SFT2D2: variants seen among roughly 807,000 people sequenced by gnomAD.
SFT2D2 encodes the protein SFT2 domain containing 2, also known as vesicle transport protein SFT2B.
Under a neutral mutation model 27.4 loss-of-function variants are expected in SFT2D2, and 21 were observed. The ratio of observed to expected loss-of-function variants is 0.77; its 90% confidence interval spans 0.54 to 1.10. The LOEUF is 1.10. Among genes scored for constraint, SFT2D2 ranks in the 50% least tolerant of loss-of-function variants. The probability of loss-of-function intolerance (pLI) is 0.00; values close to 1 mark genes in which losing one functional copy is unlikely to be tolerated. For missense variants in SFT2D2, 187 were observed against 194.2 expected (o/e 0.96, Z 0.22); for synonymous variants, 72 against 71.7 (o/e 1.00, Z -0.02).
Position 168,237,261 on chromosome 1 carries a change from C to T in SFT2D2, c.413+491C>T, listed in dbSNP as rs896928184. ...GCAGGAGATGAGGAACAGTCACTGA[C>T]GAAATGGAAAAACGTGTGTCTGTGG... On this transcript the variant is annotated intron_variant, in intron 6 of 7. Coordinates refer to ENST00000271375, the MANE Select transcript of SFT2D2 (RefSeq NM_199344.3). Among the ~76,000 whole-genome samples, 15 of 152,226 alleles carry T rather than the reference C, an allele frequency of 9.9e-5. No homozygotes were observed. The East Asian group carries it at 2.1e-3, about 22-fold the overall frequency.
At position 168,245,426 on chromosome 1, in the gene SFT2D2, C is replaced by G. The variant is rs934430547; in HGVS notation, c.*2886C>G. The G allele has an allele frequency of 6.6e-6, 1 of 152,102 alleles. No individual in the cohort carries two copies. Among genetic ancestry groups the G allele is most frequent in the African/African-American group, 2.4e-5 (1 of 41,422 alleles). The allele number at this position is 152,102 out of a possible 1,614,324, so 9.4% of individuals were successfully genotyped here. A position where few individuals can be genotyped will look rare whatever the true frequency, so the allele number is the denominator to read the frequency against. ...ATGTGGATTATCTGTACACTGATAACTAAAAAGCATTGCTAAGAAAAATTA... is the reference window on the plus strand; with the variant it reads ...ATGTGGATTATCTGTACACTGATAAGTAAAAAGCATTGCTAAGAAAAATTA... On this transcript the variant is annotated 3_prime_UTR_variant, in exon 8 of 8. Coordinates refer to ENST00000271375, the MANE Select transcript of SFT2D2 (RefSeq NM_199344.3).
intron 3 of SFT2D2, among the ~76,000 whole-genome samples, chr1:168,232,760 G>A (rs1186331365): frequency 2.0e-5 from 3 of 152,192 alleles, no homozygotes; most frequent in Non-Finnish European, 4.4e-5. Flanking sequence ...GACAAGTCCA[G>A]TTTGGTCCCT....
chr1:168,226,183 C>G, intron 1 of SFT2D2, 41 bp downstream of exon 1: 5 of 1,512,374 alleles, frequency 3.3e-6, no homozygotes, highest in South Asian at 1.3e-5. Context: ...TCGCCGCGCT[C>G]CCGCCCTGCG....
rs1380737378 is a variant in SFT2D2 at position 168,243,070 on chromosome 1, G to A, written c.*530G>A. On this transcript the variant is annotated 3_prime_UTR_variant, in exon 8 of 8. Transcript: ENST00000271375. Reference sequence around the variant, plus strand: ...CTGGAGAGCCTGGCCATGGAGTGAGGTAGAAAAGAAGCACTTTTTGGTGGT... The same window carrying A: ...CTGGAGAGCCTGGCCATGGAGTGAGATAGAAAAGAAGCACTTTTTGGTGGT... The A allele has an allele frequency of 6.4e-6, 1 of 156,068 alleles. No homozygotes were observed. The highest frequency in any genetic ancestry group is 1.9e-4 in the East Asian group (1 of 5,370). The allele number at this position is 156,068 out of a possible 1,614,324, so 9.7% of individuals were successfully genotyped here.
chr1:168,239,096 T>A (rs1474781010), intron 6 of SFT2D2, 35 bp from the exon 7 acceptor site: 2 of 1,558,486 alleles, frequency 1.3e-6, no homozygotes, highest in Admixed American at 1.7e-5. Flanking sequence ...ACTCCCTTCA[T>A]CTCATTTGAC....
intron 7 of SFT2D2, among the ~76,000 whole-genome samples, chr1:168,242,277 G>A (rs1008112971): frequency 1.3e-5 from 2 of 152,152 alleles, no homozygotes; most frequent in Admixed American, 6.5e-5. Context: ...CGGGTAAGTG[G>A]GGACATCCCC....
At chr1:168,238,512 C>A (rs1191138450) in intron 6 of SFT2D2, among the ~76,000 whole-genome samples, 3 of 149,766 alleles carry the variant, frequency 2.0e-5, no homozygotes, top group Middle Eastern at 3.4e-3. Flanking sequence ...AACAAACAAA[C>A]AAAAAAAAAC....
chr1:168,240,503 A>G (rs1647617521), intron 7 of SFT2D2, among the ~76,000 whole-genome samples: 1 of 152,162 alleles, frequency 6.6e-6, no homozygotes, highest in South Asian at 2.1e-4. Flanking sequence ...GGAGTTCATC[A>G]TTACTGAGGA....
intron 1 of SFT2D2, among the ~76,000 whole-genome samples, chr1:168,226,951 C>G (rs923465664): frequency 6.6e-6 from 1 of 152,090 alleles, no homozygotes; most frequent in African/African-American, 2.4e-5. Context: ...TCCCAAGTAG[C>G]TGGGATTACA....
At chr1:168,233,357 T>G (rs1176366463) in intron 3 of SFT2D2, among the ~76,000 whole-genome samples, 1 of 152,240 alleles carries the variant, frequency 6.6e-6, no homozygotes, top group Non-Finnish European at 1.5e-5. Context: ...CTTTGGACTC[T>G]CAGTATCACA....
In SFT2D2 at chr1:168,252,009, C is replaced by T. The variant is rs1469751233; in HGVS notation, c.*9469C>T. ...CTCAAGAATAGGGGATTTAGTTCCA[C>T]TTTGGTTATTTTCACTTCTACCCTA... On this transcript the variant is annotated 3_prime_UTR_variant, in exon 8 of 8. Transcript: ENST00000271375. The T allele has an allele frequency of 1.3e-5, 2 of 152,142 alleles. No homozygotes were observed. The highest frequency in any genetic ancestry group is 4.8e-5 in the African/African-American group (2 of 41,432). The allele number at this position is 152,142 out of a possible 1,614,324, so 9.4% of individuals were successfully genotyped here.
In SFT2D2 at chr1:168,247,240, T is replaced by A. The variant is rs79502044; in HGVS notation, c.*4700T>A. Reference sequence around the variant, plus strand: ...GAGATTCTGGAAATACTTCTTTTTTTAAATTATACTTTAAGTTCTGGGGTA... The same window carrying A: ...GAGATTCTGGAAATACTTCTTTTTTAAAATTATACTTTAAGTTCTGGGGTA... On this transcript the variant is annotated 3_prime_UTR_variant, in exon 8 of 8. Transcript: ENST00000271375. The A allele has an allele frequency of 5.9e-3, 1,571 of 267,976 alleles. 30 individuals carry two copies. The highest frequency in any genetic ancestry group is 0.033 in the African/African-American group (1,428 of 42,762). 16.6% of individuals were successfully genotyped at this position (267,976 alleles called of 1,614,324 possible). A position where few individuals can be genotyped will look rare whatever the true frequency, so the allele number is the denominator to read the frequency against.
rs138543793 is a variant in SFT2D2, at chr1:168,248,780, T to C, written c.*6240T>C. ...TCAATTTCAGAACTTGTTATTGGTC[T>C]ATTCAGGAACTCGACTTCTTCCTGG... On this transcript the variant is annotated 3_prime_UTR_variant, in exon 8 of 8. Transcript: ENST00000271375. 3.3e-4 allele frequency: 51 copies of C among 152,358 alleles called. No individual in the cohort carries two copies. Among genetic ancestry groups the C allele is most frequent in the African/African-American group, 1.0e-3 (43 of 41,588 alleles). The allele number at this position is 152,358 out of a possible 1,614,324, so 9.4% of individuals were successfully genotyped here. A position where few individuals can be genotyped will look rare whatever the true frequency, so the allele number is the denominator to read the frequency against.
intron 1 of SFT2D2, among the ~76,000 whole-genome samples, chr1:168,228,802 G>A (rs962162141): frequency 6.6e-6 from 1 of 152,138 alleles, no homozygotes; most frequent in African/African-American, 2.4e-5. Context: ...GCCTGTGAGC[G>A]CATTGCCTAC....
At position 168,226,159 on chromosome 1, in the gene SFT2D2, C is replaced by T; in HGVS notation, c.63+17C>T. 6.6e-7 allele frequency: 1 copy of T among 1,526,250 alleles called. No homozygotes were observed. Among genetic ancestry groups the T allele is most frequent in the Non-Finnish European group, 8.8e-7 (1 of 1,135,842 alleles). The allele number at this position is 1,526,250 out of a possible 1,614,324, so 94.5% of individuals were successfully genotyped here. A position where few individuals can be genotyped will look rare whatever the true frequency, so the allele number is the denominator to read the frequency against. On this transcript the variant is annotated intron_variant, in intron 1 of 7. Coordinates refer to ENST00000271375, the MANE Select transcript of SFT2D2 (RefSeq NM_199344.3). ...CTGTCCGAGGTGAGTGAGCCCGGGG[C>T]CGTCGGCCCCCTCTCGCCGCGCTCC...
intron 1 of SFT2D2, among the ~76,000 whole-genome samples, chr1:168,229,361 G>A (rs1354892830): frequency 6.6e-6 from 1 of 152,192 alleles, no homozygotes; most frequent in African/African-American, 2.4e-5. Context: ...AGGTTATTTA[G>A]CAATCTAGAT....
intron 1 of SFT2D2, among the ~76,000 whole-genome samples, chr1:168,230,407 C>T (rs1242479317): frequency 6.6e-6 from 1 of 152,178 alleles, no homozygotes; most frequent in Non-Finnish European, 1.5e-5. Context: ...TGTCTTTGTC[C>T]AGCTTGGAAC....
intron 7 of SFT2D2, among the ~76,000 whole-genome samples, chr1:168,240,074 C>G (rs1443921136): frequency 6.6e-6 from 1 of 150,468 alleles, no homozygotes; most frequent in African/African-American, 2.4e-5. Context: ...ACTTGGGAGG[C>G]TGAGGCAGGA....
Position 168,236,785 on chromosome 1 carries a change from A to C in SFT2D2, c.413+15A>C. 1.2e-6 allele frequency: 2 copies of C among 1,613,386 alleles called. No individual in the cohort carries two copies. The highest frequency in any genetic ancestry group is 2.2e-5 in the South Asian group (2 of 91,076). On this transcript the variant is annotated intron_variant, in intron 6 of 7. Coordinates refer to ENST00000271375, the MANE Select transcript of SFT2D2 (RefSeq NM_199344.3). ...GCATTGACGTGGTAAGTAACCTTTT[A>C]AACAATCCCCTCCCACATAGCCCAC... is the stretch of plus-strand genomic sequence containing the variant.
Sources: gnomAD v4.1 joint callset for allele counts (sites outside exome capture counted in the v4.1 genomes callset) on GRCh38, gnomAD v4.1.1 for gene constraint, MANE v1.5 for transcripts, NCBI Gene and HGNC (gene_info 2026-07-23, HGNC 2026-07-21) for gene names.